FAM210A: variants seen among roughly 807,000 people sequenced by gnomAD.
FAM210A encodes the protein family with sequence similarity 210 member A.
FAM210A carries 13 observed loss-of-function variants against 25.3 expected under a neutral mutation model. The ratio of observed to expected loss-of-function variants is 0.51; its 90% CI spans 0.33 to 0.82. The LOEUF is 0.82. Ranked by LOEUF, FAM210A falls within the 40% of genes least tolerant of loss-of-function variation. The probability of loss-of-function intolerance (pLI) is 0.02; values close to 1 mark genes in which losing one functional copy is unlikely to be tolerated. For synonymous variants in FAM210A, 125 were observed against 118.7 expected (o/e 1.05, Z -0.35); for missense variants, 319 against 323.2 (o/e 0.99, Z 0.10).
At chr18:13,705,656 G>C (rs1217554642) in intron 1 of FAM210A, among the ~76,000 whole-genome samples, 2 of 152,070 alleles carry the variant, frequency 1.3e-5, no homozygotes, top group African/African-American at 4.8e-5. Context: ...CTTTTTAGTA[G>C]AGACAGGGTT....
intron 1 of FAM210A, among the ~76,000 whole-genome samples, chr18:13,692,381 A>C (rs1347126671): frequency 1.3e-5 from 2 of 152,212 alleles, no homozygotes; most frequent in African/African-American, 4.8e-5. Context: ...ACTTGAACTC[A>C]GCTCTGCACC....
chr18:13,720,809 T>C (rs1029784983), intron 1 of FAM210A, among the ~76,000 whole-genome samples: 1 of 152,146 alleles, frequency 6.6e-6, no homozygotes, highest in Non-Finnish European at 1.5e-5. Context: ...AAGGTGTCAG[T>C]AGGGTTTGTT....
chr18:13,687,574 C>T (rs919494630), intron 1 of FAM210A, among the ~76,000 whole-genome samples: 7 of 152,136 alleles, frequency 4.6e-5, no homozygotes, highest in African/African-American at 1.4e-4. Context: ...CTCAGATGGA[C>T]GTGCATACAA....
chr18:13,718,137 T>C (rs1301496948), intron 1 of FAM210A, among the ~76,000 whole-genome samples: 1 of 152,192 alleles, frequency 6.6e-6, no homozygotes, highest in East Asian at 1.9e-4. Flanking sequence ...GATGTGCCCA[T>C]ACTCCTGACC....
intron 3 of FAM210A, among the ~76,000 whole-genome samples, chr18:13,671,192 C>A (rs1462549138): frequency 6.6e-6 from 1 of 151,634 alleles, no homozygotes; most frequent in South Asian, 2.1e-4. Context: ...CTTTGGAGGC[C>A]CCCCCCTTCT....
intron 1 of FAM210A, among the ~76,000 whole-genome samples, chr18:13,704,824 T>C (rs1223277409): frequency 1.3e-5 from 2 of 152,228 alleles, no homozygotes; most frequent in African/African-American, 2.4e-5. Flanking sequence ...TATGTTGTTA[T>C]AGACCATGGA....
At chr18:13,674,723 G>T (rs28583643) in intron 2 of FAM210A, among the ~76,000 whole-genome samples, 1 of 6,690 alleles carries the variant, frequency 1.5e-4, no homozygotes, top group Non-Finnish European at 3.3e-4. Context: ...CTAGCTTCTT[G>T]ATTTCCAGTT....
chr18:13,698,947 T>C (rs1386454602), intron 1 of FAM210A, among the ~76,000 whole-genome samples: 1 of 152,174 alleles, frequency 6.6e-6, no homozygotes, highest in African/African-American at 2.4e-5. Flanking sequence ...AGCCGCCCTC[T>C]TTCTCTGTGT....
intron 1 of FAM210A, among the ~76,000 whole-genome samples, chr18:13,690,882 G>A (rs932604700): frequency 2.0e-5 from 3 of 152,150 alleles, no homozygotes; most frequent in Non-Finnish European, 4.4e-5. Flanking sequence ...ACCAGCAACA[G>A]GACAAAGCTG....
intron 1 of FAM210A, among the ~76,000 whole-genome samples, chr18:13,683,594 G>C (rs2043573007): frequency 6.9e-6 from 1 of 144,496 alleles, no homozygotes; most frequent in African/African-American, 2.6e-5. Context: ...GAATTATAGA[G>C]ACTTCCAGAT....
chr18:13,671,780 A>C (rs932969310), intron 3 of FAM210A, 82 bp downstream of exon 3: 11 of 792,994 alleles, frequency 1.4e-5, no homozygotes, highest in Non-Finnish European at 1.9e-5. Context: ...TACAATTGGA[A>C]GCTAACATGG....
chr18:13,682,644 G>A (rs938900091), intron 1 of FAM210A, among the ~76,000 whole-genome samples: 3 of 152,066 alleles, frequency 2.0e-5, no homozygotes, highest in Non-Finnish European at 2.9e-5. Flanking sequence ...TGAGGCAGGC[G>A]GATCGCTTGA....
chr18:13,672,179 G>A (rs1449502046), intron 2 of FAM210A, among the ~76,000 whole-genome samples: 2 of 151,990 alleles, frequency 1.3e-5, no homozygotes, highest in Admixed American at 6.6e-5. Flanking sequence ...CACATCACAC[G>A]GTATCTTATC....
At chr18:13,700,318 A>G (rs2043728841) in intron 1 of FAM210A, among the ~76,000 whole-genome samples, 2 of 152,262 alleles carry the variant, frequency 1.3e-5, no homozygotes, top group Admixed American at 6.5e-5. Flanking sequence ...CCTGACCAGG[A>G]TGCATGCACT....
chr18:13,716,615 C>T (rs80235423), intron 1 of FAM210A, among the ~76,000 whole-genome samples: 177 of 152,238 alleles, frequency 1.2e-3, no homozygotes, highest in South Asian at 1.7e-3. Context: ...GTAATCCCCA[C>T]GTGTTAAGCG....
Position 13,683,902 on chromosome 18 carries a change from A to G in FAM210A, c.-28-1797T>C, listed in dbSNP as rs537780192. ...TCTGGTGTACAAAGTTGACTGGCAAAACAAAAACTGTCATCATATAAAAAC... is the reference window on the plus strand; with the variant it reads ...TCTGGTGTACAAAGTTGACTGGCAAGACAAAAACTGTCATCATATAAAAAC... On this transcript the variant is annotated intron_variant, in intron 1 of 3. Transcript: ENST00000651643. Among the ~76,000 whole-genome samples the G allele has an allele frequency of 6.6e-5, 10 of 152,332 alleles. No individual in the cohort carries two copies. In the South Asian group the frequency reaches 1.0e-3, roughly 16 times the overall value.
At chr18:13,723,081 C>G (rs117160719) in intron 1 of FAM210A, among the ~76,000 whole-genome samples, 1,873 of 152,256 alleles carry the variant, frequency 0.012, 20 homozygotes, top group Non-Finnish European at 0.019. Flanking sequence ...GTATCAAATA[C>G]CTGATCATTC....
intron 3 of FAM210A, among the ~76,000 whole-genome samples, chr18:13,668,366 C>T (rs1472942242): frequency 1.3e-5 from 2 of 152,188 alleles, no homozygotes; most frequent in Non-Finnish European, 2.9e-5. Flanking sequence ...GCCAATTCCT[C>T]CCCTTTCACC....
At position 13,681,795 on chromosome 18, in the gene FAM210A, C is replaced by T. The variant is rs2043555860; in HGVS notation, c.283G>A (p.Val95Ile). 3 of 1,614,166 alleles carry T rather than the reference C, an allele frequency of 1.9e-6. No homozygotes were observed. The East Asian group carries it at 6.7e-5, about 36-fold the overall frequency. The change falls in exon 2 of 4, where the codon GTT (valine) becomes ATT (isoleucine). Residue 95 changes from valine (V) to isoleucine (I), a missense_variant. Coordinates refer to ENST00000651643, the MANE Select transcript of FAM210A (RefSeq NM_152352.4). ...TGAGCTGTGGCACTGGATGAAAAAA[C>T]CCTCCTGAATGAAACATGTTGCTTC... The part of the protein sequence containing the change: ...QGKQHVSFRR[V>I]FSSSATAQGT...
Sources: gnomAD v4.1 joint callset for allele counts (sites outside exome capture counted in the v4.1 genomes callset) on GRCh38, gnomAD v4.1.1 for gene constraint, MANE v1.5 for transcripts, NCBI Gene and HGNC (gene_info 2026-07-23, HGNC 2026-07-21) for gene names.